The following RBFOX1 variants were observed in gnomAD, a reference collection of about 807,000 sequenced individuals.
The protein encoded by RBFOX1 is RNA binding protein fox-1 homolog 1.
Under a neutral mutation model 57.7 loss-of-function variants are expected in RBFOX1, and 8 were observed. The ratio of observed to expected loss-of-function variants is 0.14; its 90% CI spans 0.08 to 0.25. RBFOX1 has a LOEUF of 0.25. Ranked by LOEUF, RBFOX1 falls within the 10% of genes least tolerant of loss-of-function variation. The probability of loss-of-function intolerance (pLI) is 1.00; values close to 1 mark genes in which losing one functional copy is unlikely to be tolerated. For synonymous variants in RBFOX1, 326 were observed against 222.4 expected (o/e 1.47, Z -4.15); for missense variants, 611 against 548.5 (o/e 1.11, Z -1.14).
intron 2 of RBFOX1, among the ~76,000 whole-genome samples, chr16:6,536,092 T>G (rs1599153488): frequency 6.6e-6 from 1 of 152,202 alleles, no homozygotes; most frequent in South Asian, 2.1e-4. Context: ...ACAGGAGTAT[T>G]AATTACCAAT....
At chr16:7,496,581 C>T (rs1249858933) in intron 4 of RBFOX1, among the ~76,000 whole-genome samples, 1 of 152,024 alleles carries the variant, frequency 6.6e-6, no homozygotes, top group African/African-American at 2.4e-5. Flanking sequence ...AATACCATTT[C>T]TGTACCCCCA....
chr16:7,543,098 C>T (rs146840114), intron 5 of RBFOX1, among the ~76,000 whole-genome samples: 2 of 152,282 alleles, frequency 1.3e-5, no homozygotes, highest in African/African-American at 4.8e-5. Flanking sequence ...ACTGTGGCAG[C>T]ACCTCCTTCT....
At chr16:5,351,284 C>T (rs1017555019) in intron 1 of RBFOX1, among the ~76,000 whole-genome samples, 2 of 152,142 alleles carry the variant, frequency 1.3e-5, no homozygotes, top group Admixed American at 6.6e-5. Flanking sequence ...AAGCGCTATG[C>T]CAGGGCTTTG....
chr16:6,401,755 C>T (rs1189104432), intron 2 of RBFOX1, among the ~76,000 whole-genome samples: 1 of 151,836 alleles, frequency 6.6e-6, no homozygotes, highest in Non-Finnish European at 1.5e-5. Flanking sequence ...GTTTACTGTT[C>T]ATGGAAAACA....
intron 3 of RBFOX1, among the ~76,000 whole-genome samples, chr16:5,834,606 A>T (rs964785636): frequency 7.0e-6 from 1 of 143,650 alleles, no homozygotes; most frequent in Non-Finnish European, 1.5e-5. Context: ...AGATAGATAG[A>T]TAGATAGATA....
intron 4 of RBFOX1, among the ~76,000 whole-genome samples, chr16:7,411,454 T>C (rs1275104993): frequency 6.6e-6 from 1 of 152,182 alleles, no homozygotes; most frequent in Non-Finnish European, 1.5e-5. Flanking sequence ...TTAGCAAAGA[T>C]GTTGAACACA....
intron 3 of RBFOX1, among the ~76,000 whole-genome samples, chr16:6,779,043 G>C (rs1051296796): frequency 2.0e-5 from 3 of 151,894 alleles, no homozygotes; most frequent in East Asian, 1.9e-4. Context: ...TAGTTATTTT[G>C]AAATATACAA....
intron 3 of RBFOX1, among the ~76,000 whole-genome samples, chr16:7,027,029 C>G (rs1277749631): frequency 6.6e-6 from 1 of 152,150 alleles, no homozygotes; most frequent in African/African-American, 2.4e-5. Flanking sequence ...CCCACACACT[C>G]CTCCATTCTC....
At chr16:5,834,113 T>G (rs1202603991) in intron 3 of RBFOX1, among the ~76,000 whole-genome samples, 1 of 152,240 alleles carries the variant, frequency 6.6e-6, no homozygotes, top group Non-Finnish European at 1.5e-5. Context: ...TCTGCTTATT[T>G]TAAGAAATTA....
intron 4 of RBFOX1, among the ~76,000 whole-genome samples, chr16:7,456,547 C>A (rs901045632): frequency 6.6e-6 from 1 of 152,186 alleles, no homozygotes; most frequent in Non-Finnish European, 1.5e-5. Context: ...GTAACAAAAT[C>A]TTCGTGTAAT....
intron 4 of RBFOX1, among the ~76,000 whole-genome samples, chr16:7,066,860 C>A (rs868509689): frequency 6.6e-6 from 1 of 152,138 alleles, no homozygotes; most frequent in Non-Finnish European, 1.5e-5. Flanking sequence ...TGGCAGAATC[C>A]TTCTATTTCT....
intron 1 of RBFOX1, among the ~76,000 whole-genome samples, chr16:5,253,736 C>A (rs935135300): frequency 2.0e-5 from 3 of 152,214 alleles, no homozygotes; most frequent in African/African-American, 7.2e-5. Flanking sequence ...CTGTGATTAT[C>A]CACATGTTCA....
At chr16:6,216,764 TA>T (rs1434327557) in intron 1 of RBFOX1, among the ~76,000 whole-genome samples, 1 of 152,244 alleles carries the variant, frequency 6.6e-6, no homozygotes. Context: ...GCCTGAAAAC[TA>T]AAAAGCAAAT....
chr16:6,475,251 G>C (rs2095254888), intron 2 of RBFOX1, among the ~76,000 whole-genome samples: 1 of 152,172 alleles, frequency 6.6e-6, no homozygotes, highest in Non-Finnish European at 1.5e-5. Context: ...AACAATGTTG[G>C]TTGTAATACT....
At chr16:5,305,298 C>T (rs574124394) in intron 1 of RBFOX1, among the ~76,000 whole-genome samples, 90 of 152,282 alleles carry the variant, frequency 5.9e-4, no homozygotes, top group African/African-American at 2.1e-3. Context: ...TGGCACCACA[C>T]AGGCTTTTAT....
intron 2 of RBFOX1, among the ~76,000 whole-genome samples, chr16:6,518,741 C>CTCTG (rs150915613): frequency 1.3e-5 from 2 of 151,980 alleles, no homozygotes; most frequent in African/African-American, 4.8e-5. Flanking sequence ...ATCCATCTAT[C>CTCTG]TCTGTCTGTC....
intron 4 of RBFOX1, among the ~76,000 whole-genome samples, chr16:7,261,346 C>G (rs1296373589): frequency 6.6e-6 from 1 of 152,214 alleles, no homozygotes; most frequent in Non-Finnish European, 1.5e-5. Context: ...ATTATCATCA[C>G]TACTACTGTC....
intron 1 of RBFOX1, among the ~76,000 whole-genome samples, chr16:5,324,073 G>A (rs1015116042): frequency 6.6e-6 from 1 of 152,202 alleles, no homozygotes; most frequent in African/African-American, 2.4e-5. Flanking sequence ...CAAAGTGTTT[G>A]CCAGTGCTTC....
At chr16:5,659,644 C>T (rs985132387) in intron 3 of RBFOX1, among the ~76,000 whole-genome samples, 1 of 152,060 alleles carries the variant, frequency 6.6e-6, no homozygotes, top group Middle Eastern at 3.2e-3. Context: ...CATTTTAAAC[C>T]TGGGGTTAGT....
Sources: gnomAD v4.1 joint callset for allele counts (sites outside exome capture counted in the v4.1 genomes callset) on GRCh38, gnomAD v4.1.1 for gene constraint, MANE v1.5 for transcripts, NCBI Gene and HGNC (gene_info 2026-07-23, HGNC 2026-07-21) for gene names.